The following CDKAL1 variants were observed in gnomAD, a reference collection of about 807,000 sequenced individuals.
CDKAL1 encodes the protein CDKAL1 threonylcarbamoyladenosine tRNA methylthiotransferase, also known as threonylcarbamoyladenosine tRNA methylthiotransferase.
In CDKAL1, 32 loss-of-function variants were observed where a neutral mutation model predicts 68.2. The observed-to-expected ratio is 0.47, with a 90% CI of 0.35 to 0.63. CDKAL1 has a LOEUF of 0.63. CDKAL1 is among the 30% of genes least tolerant of loss of function. The pLI is 0.00. For synonymous variants in CDKAL1, 234 were observed against 244.3 expected (o/e 0.96, Z 0.39); for missense variants, 606 against 696.7 (o/e 0.87, Z 1.47).
At chr6:20,851,546 C>T (rs1759013838) in intron 9 of CDKAL1, among the ~76,000 whole-genome samples, 1 of 152,038 alleles carries the variant, frequency 6.6e-6, no homozygotes, top group Admixed American at 6.5e-5. Context: ...TTCTAGATCT[C>T]ATTTGTGGGT....
chr6:20,707,321 A>C (rs955453752), intron 5 of CDKAL1, among the ~76,000 whole-genome samples: 1 of 152,234 alleles, frequency 6.6e-6, no homozygotes, highest in Admixed American at 6.5e-5. Context: ...GTAGCACAGA[A>C]TGATGAAATA....
chr6:21,025,806 G>C (rs1768923731), intron 11 of CDKAL1, among the ~76,000 whole-genome samples: 1 of 151,970 alleles, frequency 6.6e-6, no homozygotes, highest in Admixed American at 6.6e-5. Context: ...TAATTCATCT[G>C]CTTGCTTCTT....
intron 5 of CDKAL1, among the ~76,000 whole-genome samples, chr6:20,680,226 C>T (rs186010118): frequency 1.1e-3 from 160 of 152,228 alleles, no homozygotes; most frequent in African/African-American, 3.7e-3. Flanking sequence ...ACCACCATGC[C>T]TGGCTAATTT....
At chr6:21,001,935 G>A (rs1328998494) in intron 11 of CDKAL1, among the ~76,000 whole-genome samples, 1 of 152,176 alleles carries the variant, frequency 6.6e-6, no homozygotes, top group African/African-American at 2.4e-5. Flanking sequence ...GAATAGACTA[G>A]AACACTTTCC....
At chr6:20,628,662 G>GC (rs1767537981) in intron 4 of CDKAL1, among the ~76,000 whole-genome samples, 2 of 39,962 alleles carry the variant, frequency 5.0e-5, no homozygotes, top group Admixed American at 5.3e-4. Context: ...TTACTTTCAG[G>GC]GAAAAAAAAA....
At chr6:21,150,104 C>T (rs539094749) in intron 13 of CDKAL1, among the ~76,000 whole-genome samples, 9 of 152,170 alleles carry the variant, frequency 5.9e-5, no homozygotes, top group South Asian at 2.1e-4. Context: ...GTGATCCGCC[C>T]GCCTCGGCCT....
chr6:20,844,424 T>C (rs541332789), intron 8 of CDKAL1, among the ~76,000 whole-genome samples: 1 of 152,196 alleles, frequency 6.6e-6, no homozygotes, highest in Non-Finnish European at 1.5e-5. Context: ...GAAATCTCAC[T>C]GTCCTGGATT....
In CDKAL1 at chr6:20,757,944, C is replaced by G. The variant is rs546415426; in HGVS notation, c.469-651C>G. The stretch of plus-strand genomic sequence containing the variant: ...TCAGTGGGTTTCTCCAATCATAATC[C>G]TGTTTAATCATAACCCCAGGAGTCA... On this transcript the variant is annotated intron_variant, in intron 6 of 15. Transcript: ENST00000274695. 1.1e-4 allele frequency among the ~76,000 whole-genome samples: 17 copies of G among 152,164 alleles called. No individual in the cohort carries two copies. In the East Asian group the frequency reaches 2.1e-3, roughly 19 times the overall value.
intron 11 of CDKAL1, among the ~76,000 whole-genome samples, chr6:21,061,409 TA>T (rs1771133157): frequency 6.6e-6 from 1 of 152,124 alleles, no homozygotes; most frequent in Non-Finnish European, 1.5e-5. Flanking sequence ...ATAAAGTTCC[TA>T]AAATTGAATA....
chr6:20,846,357 A>T (rs923903472), intron 9 of CDKAL1, among the ~76,000 whole-genome samples, 179 bp downstream of exon 9: 1 of 152,206 alleles, frequency 6.6e-6, no homozygotes. Context: ...TTTTACATTA[A>T]TGACTCTTCT....
chr6:20,658,312 G>A lies in CDKAL1; in HGVS notation c.371+8935G>A, dbSNP rs559426890. Among the ~76,000 whole-genome samples the A allele has an allele frequency of 2.6e-5, 4 of 152,314 alleles. No individual in the cohort carries two copies. The South Asian group carries it at 8.3e-4, about 32-fold the overall frequency. On this transcript the variant is annotated intron_variant, in intron 5 of 15. Transcript: ENST00000274695. ...CCATACTGATAGTGGATAGACAGGA[G>A]TCACTTGTTTTTAACTGCCTTTGCC... is the stretch of plus-strand genomic sequence containing the variant.
At chr6:21,086,151 T>G (rs1772681537) in intron 12 of CDKAL1, among the ~76,000 whole-genome samples, 1 of 152,168 alleles carries the variant, frequency 6.6e-6, no homozygotes, top group Non-Finnish European at 1.5e-5. Flanking sequence ...TTATCCCCAC[T>G]TTACATAAGA....
In CDKAL1 at chr6:20,587,131, C is replaced by T. The variant is rs553082885; in HGVS notation, c.286+38426C>T. 7.9e-5 allele frequency among the ~76,000 whole-genome samples: 12 copies of T among 151,818 alleles called. 1 individual carries two copies. The highest frequency in any genetic ancestry group is 2.2e-4 in the African/African-American group (9 of 41,386). ...CCTCCTGAGTAGCTGAGATTACAGG[C>T]GCGTGCCACCACGCCCCGCTAATTT... is the stretch of plus-strand genomic sequence containing the variant. On this transcript the variant is annotated intron_variant, in intron 4 of 15. Transcript: ENST00000274695.
chr6:20,756,463 T>C (rs1774175754), intron 6 of CDKAL1, among the ~76,000 whole-genome samples: 2 of 152,224 alleles, frequency 1.3e-5, no homozygotes, highest in South Asian at 4.1e-4. Context: ...TATTTGACAC[T>C]GTTGGTCACT....
At chr6:20,867,676 A>G (rs1290207379) in intron 9 of CDKAL1, among the ~76,000 whole-genome samples, 1 of 152,218 alleles carries the variant, frequency 6.6e-6, no homozygotes. Context: ...CACAGAGACC[A>G]TGGTGAAGGC....
chr6:21,167,507 A>G (rs1034373748), intron 13 of CDKAL1, among the ~76,000 whole-genome samples: 1 of 152,204 alleles, frequency 6.6e-6, no homozygotes, highest in Non-Finnish European at 1.5e-5. Flanking sequence ...CATTTAGCCC[A>G]TGTCACCAGA....
At chr6:21,194,491 G>A (rs2151101171) in intron 13 of CDKAL1, among the ~76,000 whole-genome samples, 1 of 152,270 alleles carries the variant, frequency 6.6e-6, no homozygotes, top group Middle Eastern at 3.4e-3. Flanking sequence ...TGAGTGGTGT[G>A]GTCTTAGAGT....
At chr6:20,578,520 A>G (rs1354042386) in intron 4 of CDKAL1, among the ~76,000 whole-genome samples, 2 of 152,218 alleles carry the variant, frequency 1.3e-5, no homozygotes, top group Non-Finnish European at 2.9e-5. Flanking sequence ...TGCTTCTAGC[A>G]ACAGAAATGT....
At chr6:20,655,041 C>G in intron 5 of CDKAL1, among the ~76,000 whole-genome samples, 1 of 152,282 alleles carries the variant, frequency 6.6e-6, no homozygotes, top group South Asian at 2.1e-4. Flanking sequence ...TCTATCCTGA[C>G]TTTTTAAGGA....
Sources: allele counts gnomAD v4.1 joint callset (sites outside exome capture counted in the v4.1 genomes callset), GRCh38; gene constraint gnomAD v4.1.1; transcripts MANE v1.5; gene names NCBI Gene and HGNC (gene_info 2026-07-23, HGNC 2026-07-21).